Variants in CAST observed in about 807,000 individuals in gnomAD.
The protein encoded by CAST is calpastatin.
Under a neutral mutation model 119.6 loss-of-function variants are expected in CAST, and 76 were observed. The observed-to-expected ratio is 0.64, with a 90% CI of 0.53 to 0.77. The LOEUF (loss-of-function observed/expected upper bound fraction) is 0.77. CAST is among the 30% of genes least tolerant of loss of function. The pLI is 0.00. For missense variants in CAST, 953 were observed against 946.5 expected (o/e 1.01, Z -0.09); for synonymous variants, 319 against 331.6 (o/e 0.96, Z 0.41).
chr5:96,546,334 T>C (rs1282421695), intron 1 of CAST: 1 of 152,216 alleles, frequency 6.6e-6, no homozygotes, highest in Non-Finnish European at 1.5e-5. Flanking sequence ...AGTTTACTTA[T>C]TGGCTCTGCC....
At chr5:96,743,730 G>T in intron 16 of CAST, 1 of 1,601,294 alleles carries the variant, frequency 6.2e-7, no homozygotes, top group Non-Finnish European at 8.5e-7. Context: ...GAAGCAGTTC[G>T]TATCTTCCAG....
the CAST span, among the ~76,000 whole-genome samples, chr5:96,425,066 A>AAGAAAGAAAGAAAG: frequency 1.3e-4 from 18 of 140,438 alleles, no homozygotes; most frequent in African/African-American, 4.7e-4. Context: ...GAAAGAAAGA[A>AAGAAAGAAAGAAAG]AGAAAGAAAA....
At chr5:96,069,241 AAT>A in the CAST span, among the ~76,000 whole-genome samples, 2 of 151,956 alleles carry the variant, frequency 1.3e-5, no homozygotes, top group Non-Finnish European at 2.9e-5. Flanking sequence ...ATGTATATAA[AAT>A]ATGTTTATAT....
the CAST span, among the ~76,000 whole-genome samples, chr5:96,327,558 GCAGAGTGACCCCCAACACT>G: frequency 6.6e-6 from 1 of 152,164 alleles, no homozygotes; most frequent in Non-Finnish European, 1.5e-5. Context: ...CTTGAAAACG[GCAGAGTGACCCCCAACACT>G]CAGTGGAATA....
the CAST span, among the ~76,000 whole-genome samples, chr5:96,071,286 A>G: frequency 1.3e-5 from 2 of 152,000 alleles, no homozygotes; most frequent in Non-Finnish European, 2.9e-5. Context: ...CTCAGGTCCC[A>G]GCTCTATGCT....
the CAST span, chr5:95,961,452 G>T: frequency 8.1e-7 from 1 of 1,227,004 alleles, no homozygotes; most frequent in Non-Finnish European, 1.0e-6. Context: ...CTGCCTGGCC[G>T]CTGCGGGCGC....
the CAST span, chr5:96,425,926 A>G: frequency 6.3e-7 from 1 of 1,593,710 alleles, no homozygotes; most frequent in South Asian, 1.1e-5. Context: ...TTCAGCCCAT[A>G]TCACCTACAA....
chr5:96,720,980 A>G (rs760118869), intron 3 of CAST, among the ~76,000 whole-genome samples: 2 of 152,256 alleles, frequency 1.3e-5, no homozygotes, highest in Non-Finnish European at 2.9e-5. Flanking sequence ...AATCAATTCC[A>G]ATTATGGAAG....
At chr5:96,736,284 A>G in intron 10 of CAST, 44 bp downstream of exon 10, 2 of 1,181,524 alleles carry the variant, frequency 1.7e-6, no homozygotes, top group East Asian at 2.4e-5. Context: ...AGTTACTCAT[A>G]TGCTCTGTAT....
the CAST span, among the ~76,000 whole-genome samples, chr5:96,025,228 A>G: frequency 6.6e-6 from 1 of 152,160 alleles, no homozygotes; most frequent in African/African-American, 2.4e-5. Flanking sequence ...GGGAAAGTCC[A>G]AGATCTAGGT....
At chr5:96,647,889 A>G (rs1748039025) in intron 1 of CAST, among the ~76,000 whole-genome samples, 1 of 152,214 alleles carries the variant, frequency 6.6e-6, no homozygotes, top group Non-Finnish European at 1.5e-5. Flanking sequence ...TTGTTATATC[A>G]GCCTAAGGAC....
chr5:96,429,538 T>C, the CAST span, among the ~76,000 whole-genome samples: 3 of 152,168 alleles, frequency 2.0e-5, no homozygotes, highest in Non-Finnish European at 4.4e-5. Context: ...TTTGTACAGA[T>C]TATTTCATCA....
intron 18 of CAST, 61 bp from the exon 19 acceptor site, chr5:96,748,457 C>CA: frequency 1.2e-6 from 1 of 834,260 alleles, no homozygotes; most frequent in Non-Finnish European, 1.9e-6. Context: ...TCCATGAAAA[C>CA]TTTTTTTTTA....
Position 96,774,584 on chromosome 5 carries a change from A to AAGAT in CAST, c.*1971_*1974dup, listed in dbSNP as rs1246708238. 2.0e-5 allele frequency: 20 copies of AAGAT among 985,508 alleles called. No individual in the cohort carries two copies. The highest frequency in any genetic ancestry group is 4.7e-5 in the South Asian group (1 of 21,294). The allele number at this position is 985,508 out of a possible 1,614,324, so 61.0% of individuals were successfully genotyped here. A position where few individuals can be genotyped will look rare whatever the true frequency, so the allele number is the denominator to read the frequency against. On this transcript the variant is annotated 3_prime_UTR_variant, in exon 32 of 32. Coordinates refer to ENST00000675179, the MANE Select transcript of CAST (RefSeq NM_001750.7). ...AAATGGGCTTTTCCAAAAGCAAACAAAGATAGGTTCCTCAGGTGACCAAAA... is the reference window on the plus strand; with the variant it reads ...AAATGGGCTTTTCCAAAAGCAAACAAAGATAGATAGGTTCCTCAGGTGACCAAAA...
chr5:96,261,051 C>CT, the CAST span, among the ~76,000 whole-genome samples: 17 of 152,248 alleles, frequency 1.1e-4, no homozygotes, highest in Middle Eastern at 6.8e-3. Context: ...CATCTTCTCT[C>CT]TTTTTTTGGT....
the CAST span, among the ~76,000 whole-genome samples, chr5:96,359,166 T>C: frequency 1.3e-5 from 2 of 152,226 alleles, no homozygotes; most frequent in African/African-American, 4.8e-5. Flanking sequence ...CCCCTGCTTT[T>C]TCTTGCTTTC....
At chr5:96,207,352 G>C in the CAST span, among the ~76,000 whole-genome samples, 1 of 152,006 alleles carries the variant, frequency 6.6e-6, no homozygotes, top group Non-Finnish European at 1.5e-5. Flanking sequence ...AATAAGAGTG[G>C]TGAAAGGGGG....
At chr5:96,557,347 T>C (rs958832147) in intron 1 of CAST, among the ~76,000 whole-genome samples, 2 of 151,858 alleles carry the variant, frequency 1.3e-5, no homozygotes, top group Admixed American at 6.6e-5. Flanking sequence ...AGGACCAAAT[T>C]CACACATAAC....
the CAST span, among the ~76,000 whole-genome samples, chr5:96,402,265 C>T: frequency 2.0e-5 from 3 of 152,332 alleles, no homozygotes; most frequent in South Asian, 2.1e-4. Flanking sequence ...TTACCTGGCA[C>T]GACACACGGG....
Sources: gnomAD v4.1 joint callset for allele counts (sites outside exome capture counted in the v4.1 genomes callset) on GRCh38, gnomAD v4.1.1 for gene constraint, MANE v1.5 for transcripts, NCBI Gene and HGNC (gene_info 2026-07-23, HGNC 2026-07-21) for gene names.